Variants in ZC3H4 observed in about 807,000 individuals in gnomAD.
ZC3H4 encodes zinc finger CCCH domain-containing protein 4.
In ZC3H4, 13 loss-of-function variants were observed where a neutral mutation model predicts 108.3. That is an observed-to-expected ratio of 0.12 (90% CI 0.08 to 0.19). The LOEUF (loss-of-function observed/expected upper bound fraction) is 0.19. Among genes scored for constraint, ZC3H4 ranks in the 10% least tolerant of loss-of-function variants. The pLI is 1.00. For synonymous variants in ZC3H4, 917 were observed against 749.6 expected (o/e 1.22, Z -3.65); for missense variants, 1,734 against 1,838.8 (o/e 0.94, Z 1.04).
Position 47,094,523 on chromosome 19 carries a change from G to T in ZC3H4, c.247C>A (p.Arg83=). The change falls in exon 3 of 15, where the codon CGG becomes AGG. Residue 83 remains arginine, a synonymous_variant. Transcript: ENST00000253048. ...TGATGCTTCTCCCCCTTTTCTTTCC[G>T]GCTTCTCTCAGGCCCTCCGGAGGTA... The part of the protein sequence containing the change: ...QDTSGGPERS[R]KEKGEKHHSD... 1.2e-6 allele frequency: 2 copies of T among 1,614,018 alleles called. No individual in the cohort carries two copies. The highest frequency in any genetic ancestry group is 1.1e-5 in the South Asian group (1 of 91,074).
intron 2 of ZC3H4, among the ~76,000 whole-genome samples, chr19:47,094,867 G>A (rs1398997076): frequency 1.3e-5 from 2 of 152,192 alleles, no homozygotes; most frequent in Non-Finnish European, 2.9e-5. Context: ...ACACATCTAC[G>A]CCAGATTTCC....
chr19:47,111,664 T>C lies in ZC3H4; in HGVS notation c.161+760A>G, dbSNP rs763282344. On this transcript the variant is annotated intron_variant, in intron 2 of 14. Coordinates refer to ENST00000253048, the MANE Select transcript of ZC3H4 (RefSeq NM_015168.2). ...TCTCTAAAAAAATAGGCTGGGGTTT[T>C]CATCAAAAGGGCTGGAGATGCATCT... is the stretch of plus-strand genomic sequence containing the variant. 1.0e-3 allele frequency among the ~76,000 whole-genome samples: 156 copies of C among 152,144 alleles called. 1 individual carries two copies. Among genetic ancestry groups the C allele is most frequent in the Non-Finnish European group, 3.1e-4 (21 of 67,996 alleles).
Position 47,071,886 on chromosome 19 carries a change from G to A in ZC3H4, c.2038C>T (p.Pro680Ser), listed in dbSNP as rs2057332289. 2 of 1,612,956 alleles carry A rather than the reference G, an allele frequency of 1.2e-6. No individual in the cohort carries two copies. The highest frequency in any genetic ancestry group is 1.7e-6 in the Non-Finnish European group (2 of 1,179,560). Residue 680 changes from proline (P) to serine (S), a missense_variant, in exon 13 of 15, where the codon CCA becomes TCA. By Grantham distance (74) the Pro-to-Ser change is moderately conservative. Coordinates refer to ENST00000253048, the MANE Select transcript of ZC3H4 (RefSeq NM_015168.2). ...ATAGGGGGCATCATTCCAGAATGTG[G>A]GGAGTCTCCAGGGCCGTAGGGCATC... is the stretch of plus-strand genomic sequence containing the variant. ...PMMPYGPGDS[P>S]HSGMMPPIPP...
rs2057337686 is a variant in ZC3H4 at position 47,072,019 on chromosome 19, G to A, written c.1905C>T (p.Asp635=). The change falls in exon 13 of 15, where the codon GAC becomes GAT. Residue 635 remains aspartate, a synonymous_variant. Transcript: ENST00000253048. This position sits in a 1 kb window ranked among gnomAD's most constrained non-coding sequence, Gnocchi z 5.6. ...GGPMHPDMHP[D]MHPDMHPDMH... ...TGTCAGGGTGCATGTCCGGGTGCAT[G>A]TCGGGGTGCATGTCAGGATGCATTG... 1 of 1,590,854 alleles carries A rather than the reference G, an allele frequency of 6.3e-7. No homozygotes were observed. Among genetic ancestry groups the A allele is most frequent in the Non-Finnish European group, 8.6e-7 (1 of 1,168,586 alleles).
At chr19:47,096,840 G>A in intron 2 of ZC3H4, 4 of 985,412 alleles carry the variant, frequency 4.1e-6, no homozygotes, top group South Asian at 4.7e-5. Context: ...TGGTCCACAA[G>A]GCAGGTGCCT....
intron 2 of ZC3H4, among the ~76,000 whole-genome samples, chr19:47,108,756 G>C (rs1484586879): frequency 6.6e-6 from 1 of 152,218 alleles, no homozygotes; most frequent in African/African-American, 2.4e-5. Context: ...AGAAAACTAT[G>C]GCTTATAAAG....
intron 13 of ZC3H4, among the ~76,000 whole-genome samples, chr19:47,071,309 G>A: frequency 6.6e-6 from 1 of 152,090 alleles, no homozygotes; most frequent in Non-Finnish European, 1.5e-5. Context: ...AAACCCCTCT[G>A]CTCACTGGAC....
chr19:47,074,528 T>A (rs1276276643), intron 11 of ZC3H4, among the ~76,000 whole-genome samples: 1 of 152,212 alleles, frequency 6.6e-6, no homozygotes, highest in Non-Finnish European at 1.5e-5. Context: ...AAGGCCTGCT[T>A]GCAAGGCTAG....
intron 2 of ZC3H4, chr19:47,112,218 G>A (rs1600124750): frequency 1.7e-6 from 2 of 1,193,810 alleles, no homozygotes; most frequent in Non-Finnish European, 2.1e-6. Flanking sequence ...CCGCGAGGGG[G>A]GGGAAACGCA....
intron 2 of ZC3H4, among the ~76,000 whole-genome samples, chr19:47,099,442 A>G (rs2057872437): frequency 6.6e-6 from 1 of 151,652 alleles, no homozygotes; most frequent in Non-Finnish European, 1.5e-5. Flanking sequence ...CTGGGCAACA[A>G]GAGTGAAACT....
At chr19:47,113,599 G>C (rs1394882284) in intron 1 of ZC3H4, 121 bp downstream of exon 1, 1 of 152,310 alleles carries the variant, frequency 6.6e-6, no homozygotes, top group African/African-American at 2.4e-5. Context: ...GAATTCGCCG[G>C]AGAGCAAGAG....
In ZC3H4 at chr19:47,067,568, C is replaced by T. The variant is rs1419487650; in HGVS notation, c.2700G>A (p.Lys900=). 4.4e-6 allele frequency: 7 copies of T among 1,603,540 alleles called. No homozygotes were observed. The Admixed American group carries it at 5.1e-5, about 12-fold the overall frequency. Residue 900 remains lysine, a synonymous_variant, in exon 15 of 15, where the codon AAG becomes AAA. Coordinates refer to ENST00000253048, the MANE Select transcript of ZC3H4 (RefSeq NM_015168.2). This position sits in a 1 kb window ranked among gnomAD's most constrained non-coding sequence, Gnocchi z 6.4. ...GGCTGGAATGAAGGCTGCCTTCGGGCTTGGAGGTGGGCAGGGCGCGAGCCA... is the reference window on the plus strand; with the variant it reads ...GGCTGGAATGAAGGCTGCCTTCGGGTTTGGAGGTGGGCAGGGCGCGAGCCA... ...PRLARALPTS[K]PEGSLHSSPV...
intron 2 of ZC3H4, among the ~76,000 whole-genome samples, chr19:47,095,465 C>T (rs2123010228): frequency 6.6e-6 from 1 of 152,226 alleles, no homozygotes; most frequent in African/African-American, 2.4e-5. Context: ...ATGATACCGG[C>T]CCTGCTTTCT....
At chr19:47,109,304 T>C (rs1325423835) in intron 2 of ZC3H4, among the ~76,000 whole-genome samples, 1 of 152,220 alleles carries the variant, frequency 6.6e-6, no homozygotes, top group African/African-American at 2.4e-5. Flanking sequence ...TGTGAGCTTT[T>C]TAAATGCTTG....
In ZC3H4 at chr19:47,072,753, C is replaced by T. The variant is rs769392984; in HGVS notation, c.1441-40G>A. 6 of 1,608,552 alleles carry T rather than the reference C, an allele frequency of 3.7e-6. No individual in the cohort carries two copies. In the East Asian group the frequency reaches 1.1e-4, roughly 30 times the overall value. ...GAACAAAAGAAGGTGTGGACGGGGT[C>T]AGGATGGAAACGGACCTCTCCAGGT... On this transcript the variant is annotated intron_variant, in intron 11 of 14. Transcript: ENST00000253048. This position sits in a 1 kb window ranked among gnomAD's most constrained non-coding sequence, Gnocchi z 5.6.
chr19:47,102,864 G>A (rs899495712), intron 2 of ZC3H4, among the ~76,000 whole-genome samples: 3 of 151,630 alleles, frequency 2.0e-5, no homozygotes, highest in East Asian at 1.9e-4. Context: ...AATATGAAAC[G>A]AATGCCTTCG....
rs200927562 is a variant in ZC3H4, at chr19:47,072,748, G to T, written c.1441-35C>A. On this transcript the variant is annotated intron_variant, in intron 11 of 14. Coordinates refer to ENST00000253048, the MANE Select transcript of ZC3H4 (RefSeq NM_015168.2). The surrounding 1 kb of genome is among the most constrained non-coding windows in gnomAD (Gnocchi z 5.6). ...TGAAAGAACAAAAGAAGGTGTGGAC[G>T]GGGTCAGGATGGAAACGGACCTCTC... is the stretch of plus-strand genomic sequence containing the variant. 12 of 1,610,076 alleles carry T rather than the reference G, an allele frequency of 7.5e-6. No individual in the cohort carries two copies. Among genetic ancestry groups the T allele is most frequent in the Non-Finnish European group, 9.3e-6 (11 of 1,179,392 alleles).
At chr19:47,076,603 C>T (rs1178979394) in intron 11 of ZC3H4, among the ~76,000 whole-genome samples, 1 of 152,200 alleles carries the variant, frequency 6.6e-6, no homozygotes, top group South Asian at 2.1e-4. Context: ...CGCCTGTAAT[C>T]CCAGCACTTT....
intron 2 of ZC3H4, 45 bp downstream of exon 2, chr19:47,112,373 CTCCTCT>C (rs1159566096): frequency 3.3e-6 from 4 of 1,228,818 alleles, no homozygotes; most frequent in Non-Finnish European, 3.0e-6. Context: ...CTTCCTCCTC[CTCCTCT>C]TCCTCCCCCC....
Sources: gnomAD v4.1 joint callset for allele counts (sites outside exome capture counted in the v4.1 genomes callset) on GRCh38, gnomAD v4.1.1 for gene constraint, Gnocchi (gnomAD v3.1) non-coding constraint, MANE v1.5 for transcripts, NCBI Gene and HGNC (gene_info 2026-07-23, HGNC 2026-07-21) for gene names.